The following ITPR1 variants were observed in gnomAD, a reference collection of about 807,000 sequenced individuals.
The protein encoded by ITPR1 is inositol 1,4,5-trisphosphate receptor type 1.
Under a neutral mutation model 318.4 loss-of-function variants are expected in ITPR1, and 96 were observed. That is an observed-to-expected ratio of 0.30 (90% CI 0.26 to 0.36). The LOEUF is 0.36. ITPR1 is among the 10% of genes least tolerant of loss of function. ITPR1 has a pLI of 1.00. For missense variants in ITPR1, 2,440 were observed against 3,460.2 expected (o/e 0.71, Z 7.40); for synonymous variants, 1,312 against 1,289.9 (o/e 1.02, Z -0.37).
At position 4,699,797 on chromosome 3, in the gene ITPR1, C is replaced by T; in HGVS notation, c.4408-16C>T. The T allele has an allele frequency of 6.2e-7, 1 of 1,612,792 alleles. No individual in the cohort carries two copies. The highest frequency in any genetic ancestry group is 8.5e-7 in the Non-Finnish European group (1 of 1,179,132). On this transcript the variant is annotated splice_polypyrimidine_tract_variant and intron_variant, in intron 34 of 61. Coordinates refer to ENST00000649015, the MANE Select transcript of ITPR1 (RefSeq NM_001378452.1). ...AGGTTTTGGTGTAATGCTTAACATA[C>T]CCACTTGTCTTCCAGGCCTGTAACA...
intron 4 of ITPR1, among the ~76,000 whole-genome samples, chr3:4,583,135 AG>A (rs1467969135): frequency 6.6e-6 from 1 of 152,236 alleles, no homozygotes; most frequent in East Asian, 1.9e-4. Flanking sequence ...CTGCTACAAC[AG>A]GAAATTGGAT....
chr3:4,742,899 A>G (rs987105395), intron 44 of ITPR1, among the ~76,000 whole-genome samples: 2 of 152,144 alleles, frequency 1.3e-5, no homozygotes, highest in Non-Finnish European at 1.5e-5. Flanking sequence ...GCTCTGTCTT[A>G]TGTTATTTTC....
At chr3:4,533,863 G>C (rs1453457636) in intron 4 of ITPR1, among the ~76,000 whole-genome samples, 2 of 152,196 alleles carry the variant, frequency 1.3e-5, no homozygotes, top group African/African-American at 4.8e-5. Flanking sequence ...CCTGCCTTCT[G>C]TATAGAATTA....
intron 33 of ITPR1, among the ~76,000 whole-genome samples, chr3:4,694,171 G>A: frequency 6.6e-6 from 1 of 150,592 alleles, no homozygotes; most frequent in South Asian, 2.1e-4. Flanking sequence ...AGGAACTACA[G>A]ACAATCAATT....
chr3:4,721,552 G>C (rs1460269182), intron 40 of ITPR1, among the ~76,000 whole-genome samples: 1 of 70,714 alleles, frequency 1.4e-5, no homozygotes, highest in Non-Finnish European at 4.3e-5. Flanking sequence ...TTGCAAGCCT[G>C]TTCACTGTTG....
At chr3:4,836,638 A>C (rs776186202) in intron 60 of ITPR1, 136 bp from the exon 61 acceptor site, 121 of 862,784 alleles carry the variant, frequency 1.4e-4, no homozygotes, top group Non-Finnish European at 1.8e-4. Flanking sequence ...TACACAGCAC[A>C]TAAGTTCTGC....
intron 11 of ITPR1, 64 bp downstream of exon 11, chr3:4,652,282 C>T (rs747182538): frequency 1.0e-4 from 115 of 1,128,852 alleles, no homozygotes; most frequent in East Asian, 5.0e-5. Flanking sequence ...TTTCCTCATT[C>T]GCCTGTAGCC....
chr3:4,606,396 A>G (rs2091704198), intron 4 of ITPR1, among the ~76,000 whole-genome samples: 1 of 152,200 alleles, frequency 6.6e-6, no homozygotes, highest in Non-Finnish European at 1.5e-5. Context: ...TTTGTAAACC[A>G]AAAGGTATCT....
At chr3:4,714,295 G>C (rs722368) in intron 39 of ITPR1, among the ~76,000 whole-genome samples, 2 of 151,952 alleles carry the variant, frequency 1.3e-5, no homozygotes. Flanking sequence ...TGGGTGCTGA[G>C]GACGACACCA....
At chr3:4,781,064 C>T (rs2046804252) in intron 49 of ITPR1, among the ~76,000 whole-genome samples, 1 of 152,240 alleles carries the variant, frequency 6.6e-6, no homozygotes, top group Admixed American at 6.5e-5. Context: ...GTGTATGCTC[C>T]TGGCCTCAAA....
intron 2 of ITPR1, among the ~76,000 whole-genome samples, chr3:4,501,018 T>C (rs2080980976): frequency 9.3e-6 from 1 of 107,960 alleles, no homozygotes; most frequent in Non-Finnish European, 2.0e-5. Context: ...CACTCCTGGC[T>C]AATTTAAAAA....
At chr3:4,658,396 G>A in intron 13 of ITPR1, 118 bp downstream of exon 13, 1 of 920,000 alleles carries the variant, frequency 1.1e-6, no homozygotes, top group Non-Finnish European at 1.6e-6. Context: ...AAAGGATTTG[G>A]TGAAAGGTTT....
intron 41 of ITPR1, among the ~76,000 whole-genome samples, chr3:4,726,448 CAT>C (rs2042524404): frequency 6.6e-6 from 1 of 152,022 alleles, no homozygotes; most frequent in Admixed American, 6.6e-5. Flanking sequence ...TTTGGGGAGA[CAT>C]ATTTCCAAGT....
At chr3:4,756,559 C>T (rs2045006288) in intron 44 of ITPR1, among the ~76,000 whole-genome samples, 1 of 152,174 alleles carries the variant, frequency 6.6e-6, no homozygotes, top group East Asian at 1.9e-4. Context: ...CTAGCTCCCA[C>T]TTATACGCCA....
intron 4 of ITPR1, among the ~76,000 whole-genome samples, chr3:4,535,600 G>A (rs1010926501): frequency 5.3e-5 from 8 of 151,404 alleles, no homozygotes; most frequent in South Asian, 2.1e-4. Flanking sequence ...CTGCCACCAC[G>A]CCCGGCTAAT....
intron 37 of ITPR1, among the ~76,000 whole-genome samples, chr3:4,708,844 C>T (rs998826366): frequency 6.6e-6 from 1 of 152,206 alleles, no homozygotes; most frequent in Non-Finnish European, 1.5e-5. Flanking sequence ...AAACAGACCA[C>T]TTCTATAATT....
At chr3:4,604,202 C>T (rs2091522255) in intron 4 of ITPR1, among the ~76,000 whole-genome samples, 3 of 152,084 alleles carry the variant, frequency 2.0e-5, no homozygotes, top group Admixed American at 1.3e-4. Context: ...GTGAGAGGCA[C>T]ATACATTTAA....
chr3:4,731,951 C>T (rs1474723058), intron 42 of ITPR1, among the ~76,000 whole-genome samples: 1 of 152,212 alleles, frequency 6.6e-6, no homozygotes, highest in Non-Finnish European at 1.5e-5. Context: ...TGCTAGATTT[C>T]AACACCTTTC....
chr3:4,686,500 A>G (rs1192430225), intron 30 of ITPR1, among the ~76,000 whole-genome samples: 1 of 152,168 alleles, frequency 6.6e-6, no homozygotes, highest in African/African-American at 2.4e-5. Flanking sequence ...TGCTAACCAT[A>G]GTGTTGTCTC....
Sources: allele counts gnomAD v4.1 joint callset (sites outside exome capture counted in the v4.1 genomes callset), GRCh38; gene constraint gnomAD v4.1.1; transcripts MANE v1.5; gene names NCBI Gene and HGNC (gene_info 2026-07-23, HGNC 2026-07-21).